CA8: variants seen among roughly 807,000 people sequenced by gnomAD.
CA8 encodes the protein carbonic anhydrase-related protein.
A neutral mutation model predicts 41.4 loss-of-function variants in CA8; 22 were observed. The observed-to-expected ratio is 0.53, with a 90% CI of 0.38 to 0.76. The LOEUF (loss-of-function observed/expected upper bound fraction) is 0.76. Ranked by LOEUF, CA8 falls within the 30% of genes least tolerant of loss-of-function variation. The pLI, the probability that CA8 is intolerant of heterozygous loss-of-function variation, is 0.00. For synonymous variants in CA8, 121 were observed against 130.6 expected (o/e 0.93, Z 0.50); for missense variants, 270 against 352.8 (o/e 0.77, Z 1.88).
chr8:60,279,259 A>C (rs1211159554), intron 2 of CA8, among the ~76,000 whole-genome samples: 1 of 152,248 alleles, frequency 6.6e-6, no homozygotes, highest in Non-Finnish European at 1.5e-5. Flanking sequence ...TAACCTGAGA[A>C]GTCTACCTTG....
intron 7 of CA8, among the ~76,000 whole-genome samples, chr8:60,221,231 C>T (rs1807233618): frequency 6.6e-6 from 1 of 152,182 alleles, no homozygotes; most frequent in African/African-American, 2.4e-5. Context: ...ATTCCCTAAA[C>T]CTCTTGGACT....
chr8:60,264,302 G>C (rs929091236), intron 3 of CA8, among the ~76,000 whole-genome samples: 1 of 152,158 alleles, frequency 6.6e-6, no homozygotes, highest in Non-Finnish European at 1.5e-5. Flanking sequence ...CCTTTCCCTA[G>C]AACTTTTGTT....
intron 3 of CA8, among the ~76,000 whole-genome samples, chr8:60,262,058 A>C (rs557421806): frequency 6.6e-6 from 1 of 152,140 alleles, no homozygotes. Flanking sequence ...AATGCCTGAG[A>C]AGCTCTCTTC....
rs767070057 is a variant in CA8, at chr8:60,279,788, G to C, written c.193C>G (p.Leu65Val). The C allele has an allele frequency of 6.2e-7, 1 of 1,614,158 alleles. No individual in the cohort carries two copies. Among genetic ancestry groups the C allele is most frequent in the Non-Finnish European group, 8.5e-7 (1 of 1,180,024 alleles). Residue 65 changes from leucine to valine, a missense_variant, in exon 2 of 9, where the codon CTG (leucine) becomes GTG (valine). Physicochemically the swap from Leu to Val is conservative, Grantham distance 32. Around this residue, in one of 3 missense-constraint regions of CA8, gnomAD observed 123 missense variants for 136.8 expected, o/e 0.90. Transcript: ENST00000317995. ...TTTGGGGAGAGGCGGACATCCAACA[G>C]CGAGGGGTCATACCTAGCCTCTCTT... ...NSREARYDPS[L>V]LDVRLSPNYV...
intron 5 of CA8, among the ~76,000 whole-genome samples, chr8:60,225,402 C>A (rs1186701254): frequency 6.6e-6 from 1 of 152,180 alleles, no homozygotes; most frequent in Non-Finnish European, 1.5e-5. Flanking sequence ...TACTTGCCTC[C>A]CCGATCCCCC....
chr8:60,232,323 C>G lies in CA8; in HGVS notation c.474G>C (p.Gly158=), dbSNP rs1432231964. The change falls in exon 4 of 9, where the codon GGG becomes GGC. Residue 158 remains glycine, a synonymous_variant. Coordinates refer to ENST00000317995, the MANE Select transcript of CA8 (RefSeq NM_004056.6). ...TLFGSIDEAV[G]KPHGIAIIAL... Reference sequence around the variant, plus strand: ...CAATGATGGCGATTCCGTGCGGCTTCCCCACAGCCTCATCAATGCTGCCAA... The same window carrying G: ...CAATGATGGCGATTCCGTGCGGCTTGCCCACAGCCTCATCAATGCTGCCAA... 2 of 1,613,928 alleles carry G rather than the reference C, an allele frequency of 1.2e-6. No individual in the cohort carries two copies. Among genetic ancestry groups the G allele is most frequent in the Non-Finnish European group, 1.7e-6 (2 of 1,179,898 alleles).
rs1367892967 is a variant in CA8 at position 60,185,525 on chromosome 8, C to T, written c.*4496G>A. Among the ~76,000 whole-genome samples the T allele has an allele frequency of 6.6e-6, 1 of 152,020 alleles. No homozygotes were observed. Among genetic ancestry groups the T allele is most frequent in the African/African-American group, 2.4e-5 (1 of 41,394 alleles). ...ATAAATACAGACTCACACCCAGATA[C>T]ATCATAGTACGAAATCTGGGGCAGG... On this transcript the variant is annotated 3_prime_UTR_variant, in exon 9 of 9. Transcript: ENST00000317995.
chr8:60,277,498 C>T (rs1168134785), intron 2 of CA8, among the ~76,000 whole-genome samples: 2 of 151,974 alleles, frequency 1.3e-5, no homozygotes, highest in Non-Finnish European at 1.5e-5. Flanking sequence ...GGATTACAGG[C>T]GTGTGCCACC....
intron 7 of CA8, among the ~76,000 whole-genome samples, chr8:60,218,307 T>G (rs1018290399): frequency 2.4e-5 from 3 of 125,110 alleles, no homozygotes; most frequent in African/African-American, 1.0e-4. Flanking sequence ...AATGACTGGG[T>G]TTTTTTTTTT....
chr8:60,232,094 C>T (rs1192252445), intron 4 of CA8, among the ~76,000 whole-genome samples, 190 bp downstream of exon 4: 1 of 152,090 alleles, frequency 6.6e-6, no homozygotes, highest in Admixed American at 6.5e-5. Context: ...AATAAAGGAA[C>T]TATTTTCTAC....
chr8:60,272,964 T>C, intron 2 of CA8, among the ~76,000 whole-genome samples: 1 of 152,234 alleles, frequency 6.6e-6, no homozygotes, highest in East Asian at 1.9e-4. Context: ...TGCCAGTTCC[T>C]GCAGTCCCCA....
At chr8:60,241,085 GC>G (rs796388714) in intron 3 of CA8, among the ~76,000 whole-genome samples, 1 of 152,150 alleles carries the variant, frequency 6.6e-6, no homozygotes, top group South Asian at 2.1e-4. Flanking sequence ...ATATGAAGCA[GC>G]CCATTCATCA....
At chr8:60,193,747 C>T (rs116192942) in intron 8 of CA8, among the ~76,000 whole-genome samples, 70 of 152,252 alleles carry the variant, frequency 4.6e-4, no homozygotes, top group African/African-American at 1.4e-3. Flanking sequence ...TCTGAAGTTT[C>T]ACAATGATGG....
chr8:60,247,531 T>C (rs1039879414), intron 3 of CA8, among the ~76,000 whole-genome samples: 5 of 152,222 alleles, frequency 3.3e-5, no homozygotes, highest in African/African-American at 9.6e-5. Context: ...CTGTGTTAGG[T>C]TGCTGAGAAT....
chr8:60,202,336 C>G (rs181808156), intron 8 of CA8, among the ~76,000 whole-genome samples: 1 of 151,976 alleles, frequency 6.6e-6, no homozygotes, highest in Non-Finnish European at 1.5e-5. Context: ...CAGGCATGAG[C>G]CACCACGACT....
In CA8 at chr8:60,219,334, T is replaced by C. The variant is rs1213877783; in HGVS notation, c.738+3315A>G. Among the ~76,000 whole-genome samples the C allele has an allele frequency of 8.5e-5, 13 of 152,048 alleles. No homozygotes were observed. In the South Asian group the frequency reaches 2.7e-3, roughly 32 times the overall value. ...CCACCACACCCGGCTAATTTTGTAT[T>C]TTTAGTAGAGATAAGGTTTCACCAT... is the stretch of plus-strand genomic sequence containing the variant. On this transcript the variant is annotated intron_variant, in intron 7 of 8. Coordinates refer to ENST00000317995, the MANE Select transcript of CA8 (RefSeq NM_004056.6).
In CA8 at chr8:60,245,670, A is replaced by C. The variant is rs145325218; in HGVS notation, c.418-13291T>G. 2.5e-3 allele frequency among the ~76,000 whole-genome samples: 380 copies of C among 152,322 alleles called. 4 individuals are homozygous for C. Among genetic ancestry groups the C allele is most frequent in the African/African-American group, 8.3e-3 (347 of 41,566 alleles). On this transcript the variant is annotated intron_variant, in intron 3 of 8. Transcript: ENST00000317995. ...AACACACTAGTGACCTGAAATACAG[A>C]GCCCAAGTTCCCTTTCAATGTTGTA...
chr8:60,232,175 T>C, intron 4 of CA8, 109 bp downstream of exon 4: 1 of 790,178 alleles, frequency 1.3e-6, no homozygotes, highest in South Asian at 1.4e-5. Context: ...GTTCTCTCTA[T>C]GTGTGTAATT....
chr8:60,277,575 G>A (rs1222593153), intron 2 of CA8, among the ~76,000 whole-genome samples: 2 of 152,006 alleles, frequency 1.3e-5, no homozygotes, highest in Non-Finnish European at 2.9e-5. Flanking sequence ...GGCTGGTGTC[G>A]AACTCCTGAC....
Sources: gnomAD v4.1 joint callset for allele counts (sites outside exome capture counted in the v4.1 genomes callset) on GRCh38, gnomAD v4.1.1 for gene constraint, gnomAD v4.1.1 regional missense constraint, MANE v1.5 for transcripts, NCBI Gene and HGNC (gene_info 2026-07-23, HGNC 2026-07-21) for gene names.